The following RHEB variants were observed in gnomAD, a reference collection of about 807,000 sequenced individuals.
RHEB encodes Ras homolog, mTORC1 binding.
Under a neutral mutation model 28.8 loss-of-function variants are expected in RHEB, and 2 were observed. That is an observed-to-expected ratio of 0.07 (90% confidence interval 0.03 to 0.22). The LOEUF (loss-of-function observed/expected upper bound fraction) is 0.22, where lower values mean the gene tolerates loss of function less well. RHEB is among the 10% of genes least tolerant of loss of function. The pLI is 1.00. For missense variants in RHEB, 76 were observed against 219.9 expected (o/e 0.35, Z 4.14); for synonymous variants, 69 against 77.3 (o/e 0.89, Z 0.56).
intron 1 of RHEB, among the ~76,000 whole-genome samples, chr7:151,499,683 C>A (rs1802737770): frequency 6.6e-6 from 1 of 152,260 alleles, no homozygotes; most frequent in Non-Finnish European, 1.5e-5. Flanking sequence ...TGAAGTCCTA[C>A]TCCACGTGTA....
chr7:151,498,631 C>A (rs888190852), intron 1 of RHEB, among the ~76,000 whole-genome samples: 1 of 152,010 alleles, frequency 6.6e-6, no homozygotes, highest in Non-Finnish European at 1.5e-5. Flanking sequence ...AGCTACTGGG[C>A]AGAGGCAAGA....
chr7:151,496,055 T>G (rs1175473250), intron 1 of RHEB, among the ~76,000 whole-genome samples: 2 of 152,226 alleles, frequency 1.3e-5, no homozygotes, highest in African/African-American at 2.4e-5. Context: ...CAAGGCATTC[T>G]GCAGAAGGGG....
chr7:151,491,043 T>C (rs374510444), intron 1 of RHEB, 29 bp from the exon 2 acceptor site: 92 of 1,549,650 alleles, frequency 5.9e-5, no homozygotes, highest in Non-Finnish European at 7.6e-5. Context: ...GCTTAGTGTG[T>C]GTTGGCATAT....
chr7:151,499,882 C>T (rs913578111), intron 1 of RHEB, among the ~76,000 whole-genome samples: 5 of 152,316 alleles, frequency 3.3e-5, no homozygotes, highest in Admixed American at 6.5e-5. Context: ...AATCAGAGCT[C>T]ACTGCAGCCT....
At chr7:151,473,136 T>G (rs1416594547) in intron 4 of RHEB, among the ~76,000 whole-genome samples, 1 of 152,226 alleles carries the variant, frequency 6.6e-6, no homozygotes, top group East Asian at 1.9e-4. Flanking sequence ...GAACAGAATA[T>G]GGCAAAGGTG....
At chr7:151,497,783 C>A (rs1802700012) in intron 1 of RHEB, among the ~76,000 whole-genome samples, 1 of 152,220 alleles carries the variant, frequency 6.6e-6, no homozygotes, top group African/African-American at 2.4e-5. Context: ...AAAAGCTGTT[C>A]TATCCCCTTG....
At chr7:151,504,858 A>G (rs1802838117) in intron 1 of RHEB, among the ~76,000 whole-genome samples, 1 of 151,988 alleles carries the variant, frequency 6.6e-6, no homozygotes, top group Non-Finnish European at 1.5e-5. Flanking sequence ...AACCTGTTGA[A>G]TGCTACCTCA....
At chr7:151,473,766 T>TA (rs1212100957) in intron 4 of RHEB, among the ~76,000 whole-genome samples, 2 of 152,256 alleles carry the variant, frequency 1.3e-5, no homozygotes, top group African/African-American at 2.4e-5. Flanking sequence ...TTATGCCAGT[T>TA]AAATTCATCA....
Position 151,466,451 on chromosome 7 carries a change from G to C in RHEB, c.*668C>G, listed in dbSNP as rs546589642. 6.6e-6 allele frequency: 1 copy of C among 152,484 alleles called. No individual in the cohort carries two copies. The highest frequency in any genetic ancestry group is 1.5e-5 in the Non-Finnish European group (1 of 68,242). 9.4% of individuals were successfully genotyped at this position (152,484 alleles called of 1,614,324 possible). On this transcript the variant is annotated 3_prime_UTR_variant, in exon 8 of 8. Coordinates refer to ENST00000262187, the MANE Select transcript of RHEB (RefSeq NM_005614.4). Reference sequence around the variant, plus strand: ...GTCTAGGGATTTGAGGGTGGAAGGAGAGAATTTCATCACTGGGGAGGAACT... The same window carrying C: ...GTCTAGGGATTTGAGGGTGGAAGGACAGAATTTCATCACTGGGGAGGAACT...
At chr7:151,469,171 GTTT>G (rs372268396) in intron 7 of RHEB, among the ~76,000 whole-genome samples, 2,462 of 152,254 alleles carry the variant, frequency 0.016, 59 homozygotes, top group African/African-American at 0.053. Flanking sequence ...TGTTTAATCA[GTTT>G]TTTTCATCCG....
At chr7:151,517,364 G>A (rs1266371684) in intron 1 of RHEB, among the ~76,000 whole-genome samples, 16 of 121,036 alleles carry the variant, frequency 1.3e-4, no homozygotes, top group Non-Finnish European at 2.7e-4. Flanking sequence ...GCGAAACTCC[G>A]TCTCGGAAAA....
chr7:151,496,832 T>G (rs1222163941), intron 1 of RHEB, among the ~76,000 whole-genome samples: 1 of 152,094 alleles, frequency 6.6e-6, no homozygotes, highest in Non-Finnish European at 1.5e-5. Context: ...CAGGCTGGAG[T>G]GCAGTGATGC....
intron 3 of RHEB, among the ~76,000 whole-genome samples, chr7:151,479,485 A>G (rs867566206): frequency 9.2e-5 from 14 of 152,188 alleles, no homozygotes; most frequent in South Asian, 2.1e-4. Context: ...GATTCATATC[A>G]TCCTGGCTAA....
intron 1 of RHEB, among the ~76,000 whole-genome samples, chr7:151,514,148 A>C (rs1477332738): frequency 6.6e-6 from 1 of 152,234 alleles, no homozygotes; most frequent in African/African-American, 2.4e-5. Context: ...TTAACAAAAG[A>C]AGCTAGGGCA....
intron 2 of RHEB, 140 bp downstream of exon 2, chr7:151,490,803 T>A: frequency 1.4e-6 from 1 of 729,594 alleles, no homozygotes; most frequent in South Asian, 1.5e-5. Flanking sequence ...AGTAGGTAAA[T>A]CTTTTGCAAG....
At chr7:151,487,765 C>A (rs1245512459) in intron 2 of RHEB, among the ~76,000 whole-genome samples, 4 of 152,218 alleles carry the variant, frequency 2.6e-5, no homozygotes, top group Non-Finnish European at 5.9e-5. Context: ...TGACATCACT[C>A]TCCTTGAGCC....
In RHEB at chr7:151,477,386, G is replaced by A; in HGVS notation, c.222C>T (p.Tyr74=). Reference sequence around the variant, plus strand: ...GAATATAGCCATTAATATCTATGGAGTATGTCTGAGGAAAGATAGAATATT... The same window carrying A: ...GAATATAGCCATTAATATCTATGGAATATGTCTGAGGAAAGATAGAATATT... The part of the protein sequence containing the change: ...QDEYSIFPQT[Y]SIDINGYILV... Residue 74 remains tyrosine, a synonymous_variant, in exon 4 of 8, where the codon TAC becomes TAT. Transcript: ENST00000262187. 2 of 1,582,072 alleles carry A rather than the reference G, an allele frequency of 1.3e-6. No individual in the cohort carries two copies. Among genetic ancestry groups the A allele is most frequent in the South Asian group, 1.1e-5 (1 of 88,928 alleles).
chr7:151,511,499 A>G (rs1802987808), intron 1 of RHEB, among the ~76,000 whole-genome samples: 1 of 152,174 alleles, frequency 6.6e-6, no homozygotes. Context: ...AGCACAACGT[A>G]AAGGCTTTTC....
intron 2 of RHEB, among the ~76,000 whole-genome samples, chr7:151,487,941 G>A (rs1802511726): frequency 6.6e-6 from 1 of 152,202 alleles, no homozygotes; most frequent in Non-Finnish European, 1.5e-5. Flanking sequence ...TTACTAAAGT[G>A]TGGTGAGGGC....
Sources: allele counts gnomAD v4.1 joint callset (sites outside exome capture counted in the v4.1 genomes callset), GRCh38; gene constraint gnomAD v4.1.1; transcripts MANE v1.5; gene names NCBI Gene and HGNC (gene_info 2026-07-23, HGNC 2026-07-21).